The following NRXN3 variants were observed in gnomAD, a reference collection of about 807,000 sequenced individuals.
The protein encoded by NRXN3 is neurexin 3.
In NRXN3, 32 loss-of-function variants were observed where a neutral mutation model predicts 137.6. That is an observed-to-expected ratio of 0.23 (90% CI 0.18 to 0.31). NRXN3 has a LOEUF of 0.31. Ranked by LOEUF, NRXN3 falls within the 10% of genes least tolerant of loss-of-function variation. NRXN3 has a pLI of 1.00. For missense variants in NRXN3, 1,574 were observed against 2,062.5 expected (o/e 0.76, Z 4.59); for synonymous variants, 798 against 784.5 (o/e 1.02, Z -0.29).
intron 10 of NRXN3, among the ~76,000 whole-genome samples, chr14:78,871,691 C>T (rs2099101711): frequency 6.6e-6 from 1 of 152,106 alleles, no homozygotes; most frequent in Admixed American, 6.5e-5. Flanking sequence ...ATCTCCTCTC[C>T]ATTAGAAGTC....
intron 4 of NRXN3, among the ~76,000 whole-genome samples, chr14:78,358,255 A>T (rs781579039): frequency 6.6e-6 from 1 of 152,152 alleles, no homozygotes; most frequent in Non-Finnish European, 1.5e-5. Context: ...CCATGTACTA[A>T]GTGTGGTTGT....
intron 8 of NRXN3, among the ~76,000 whole-genome samples, chr14:78,771,523 A>G (rs910223900): frequency 1.3e-5 from 2 of 152,212 alleles, no homozygotes; most frequent in Non-Finnish European, 2.9e-5. Context: ...GATCTCCTCC[A>G]AGAGAATTAA....
intron 15 of NRXN3, among the ~76,000 whole-genome samples, chr14:79,441,602 G>C (rs551097406): frequency 2.0e-5 from 3 of 151,498 alleles, no homozygotes; most frequent in Non-Finnish European, 2.9e-5. Context: ...GGATGGTCTC[G>C]ATCTCCTGAC....
intron 10 of NRXN3, among the ~76,000 whole-genome samples, chr14:78,923,608 G>T (rs906147780): frequency 1.6e-4 from 25 of 152,178 alleles, no homozygotes; most frequent in African/African-American, 5.8e-4. Context: ...GAAGAGAATT[G>T]AGGAATTAAG....
intron 4 of NRXN3, among the ~76,000 whole-genome samples, chr14:78,483,398 A>T (rs2095505135): frequency 6.6e-6 from 1 of 152,202 alleles, no homozygotes; most frequent in Non-Finnish European, 1.5e-5. Context: ...TGACTTCAGC[A>T]TGGAGACTTA....
intron 3 of NRXN3, among the ~76,000 whole-genome samples, chr14:78,295,494 A>G (rs1250584718): frequency 1.3e-5 from 2 of 152,208 alleles, no homozygotes; most frequent in Non-Finnish European, 2.9e-5. Flanking sequence ...TCCCTTTACA[A>G]AAGGGTCCAC....
At chr14:78,515,565 T>C (rs990369505) in intron 4 of NRXN3, among the ~76,000 whole-genome samples, 13 of 152,128 alleles carry the variant, frequency 8.5e-5, no homozygotes, top group African/African-American at 3.1e-4. Context: ...CATTTTTTTT[T>C]CTATGAAAAC....
intron 4 of NRXN3, among the ~76,000 whole-genome samples, chr14:78,373,261 AGAAAGAT>A (rs1241326567): frequency 1.9e-4 from 6 of 31,854 alleles, no homozygotes; most frequent in Admixed American, 9.8e-4. Flanking sequence ...GTTGGGAACA[AGAAAGAT>A]GAGGTGGGAA....
intron 10 of NRXN3, among the ~76,000 whole-genome samples, chr14:78,949,826 TA>T (rs901681661): frequency 3.7e-4 from 56 of 152,290 alleles, no homozygotes; most frequent in African/African-American, 1.3e-3. Flanking sequence ...ATTAATGTAC[TA>T]GACCTTTAAA....
chr14:78,854,154 G>A (rs2099050405), intron 10 of NRXN3, among the ~76,000 whole-genome samples: 1 of 152,146 alleles, frequency 6.6e-6, no homozygotes, highest in East Asian at 1.9e-4. Flanking sequence ...TTATTTCCTA[G>A]TTGTCATATA....
intron 19 of NRXN3, among the ~76,000 whole-genome samples, chr14:79,750,986 C>G (rs1189737497): frequency 6.6e-6 from 1 of 152,050 alleles, no homozygotes; most frequent in Non-Finnish European, 1.5e-5. Flanking sequence ...CATGAAATTT[C>G]TAATTGAAAC....
chr14:78,765,756 C>T lies in NRXN3; in HGVS notation c.2045-37864C>T, dbSNP rs558333104. 2.3e-4 allele frequency among the ~76,000 whole-genome samples: 35 copies of T among 152,106 alleles called. 2 individuals carry two copies. The Middle Eastern group carries it at 0.027, about 119-fold the overall frequency. On this transcript the variant is annotated intron_variant, in intron 8 of 20. Transcript: ENST00000335750. ...ATATATATACACACACACACACATA[C>T]ATATATACATATATATCTTTATATA... is the stretch of plus-strand genomic sequence containing the variant.
At chr14:79,542,969 T>A (rs926036884) in intron 16 of NRXN3, among the ~76,000 whole-genome samples, 3 of 152,132 alleles carry the variant, frequency 2.0e-5, no homozygotes, top group Admixed American at 6.5e-5. Flanking sequence ...TCCCTCCCTA[T>A]AGTCCCAAGG....
intron 4 of NRXN3, among the ~76,000 whole-genome samples, chr14:78,514,364 G>T (rs1231853746): frequency 6.6e-6 from 1 of 152,110 alleles, no homozygotes; most frequent in East Asian, 1.9e-4. Flanking sequence ...GGGTAGCTAG[G>T]TCGAGGTAAA....
At chr14:79,304,599 T>G (rs1193857409) in intron 15 of NRXN3, among the ~76,000 whole-genome samples, 3 of 152,126 alleles carry the variant, frequency 2.0e-5, no homozygotes, top group Non-Finnish European at 4.4e-5. Flanking sequence ...ATTACAGTTA[T>G]AAAGCTGTCT....
At chr14:79,679,143 C>A (rs912639412) in intron 17 of NRXN3, among the ~76,000 whole-genome samples, 1 of 151,360 alleles carries the variant, frequency 6.6e-6, no homozygotes, top group African/African-American at 2.4e-5. Flanking sequence ...TTTTTTCTTA[C>A]ATCTCATATC....
In NRXN3 at chr14:78,365,612, G is replaced by A. The variant is rs1861083; in HGVS notation, c.757+67752G>A. Among the ~76,000 whole-genome samples, 676 of 152,288 alleles carry A rather than the reference G, an allele frequency of 4.4e-3. 7 individuals are homozygous for A. The highest frequency in any genetic ancestry group is 0.015 in the African/African-American group (640 of 41,556). On this transcript the variant is annotated intron_variant, in intron 4 of 20. Transcript: ENST00000335750. ...TGTTGACCGGCTATGAGTCCAGTAG[G>A]TAAAGAAAAACTGTTTGGAGAACAA...
chr14:79,114,957 C>A (rs1293191924), intron 15 of NRXN3, among the ~76,000 whole-genome samples: 1 of 152,108 alleles, frequency 6.6e-6, no homozygotes, highest in Non-Finnish European at 1.5e-5. Flanking sequence ...TACGACATTA[C>A]TCTTGGGTCT....
At chr14:78,450,944 T>C (rs1445480988) in intron 4 of NRXN3, among the ~76,000 whole-genome samples, 1 of 152,144 alleles carries the variant, frequency 6.6e-6, no homozygotes, top group Non-Finnish European at 1.5e-5. Flanking sequence ...TGTGAATACA[T>C]GTGTGCATGG....
Sources: gnomAD v4.1 joint callset for allele counts (sites outside exome capture counted in the v4.1 genomes callset) on GRCh38, gnomAD v4.1.1 for gene constraint, MANE v1.5 for transcripts, NCBI Gene and HGNC (gene_info 2026-07-23, HGNC 2026-07-21) for gene names.